Variants in CFAP65 observed in about 807,000 individuals in gnomAD.
CFAP65 encodes the protein cilia and flagella associated protein 65, also known as cilia- and flagella-associated protein 65.
A neutral mutation model predicts 208.0 loss-of-function variants in CFAP65; 155 were observed. The observed-to-expected ratio is 0.75, with a 90% CI of 0.65 to 0.85. The LOEUF (loss-of-function observed/expected upper bound fraction) is 0.85, where lower values mean the gene tolerates loss of function less well. Ranked by LOEUF, CFAP65 falls within the 40% of genes least tolerant of loss-of-function variation. The pLI is 0.00. For synonymous variants in CFAP65, 970 were observed against 986.3 expected (o/e 0.98, Z 0.31); for missense variants, 2,294 against 2,451.3 (o/e 0.94, Z 1.36).
In CFAP65 at chr2:219,019,598, C is replaced by G. The variant is rs114688732; in HGVS notation, c.3381G>C (p.Leu1127=). 6.8e-4 allele frequency: 1,096 copies of G among 1,613,850 alleles called. 2 individuals are homozygous for G. In the African/African-American group the frequency reaches 0.011, roughly 16 times the overall value. Reference sequence around the variant, plus strand: ...GCAGGTCCAGAGAGAAGAGGCGCCACAGGTGCTTCCGGGTGATACCCTCAG... The same window carrying G: ...GCAGGTCCAGAGAGAAGAGGCGCCAGAGGTGCTTCCGGGTGATACCCTCAG... ...GSAEGITRKH[L]WRLFSLDLLN... Residue 1127 remains leucine, a synonymous_variant, in exon 20 of 35, where the codon CTG becomes CTC. Coordinates refer to ENST00000341552, the MANE Select transcript of CFAP65 (RefSeq NM_194302.4).
At chr2:219,014,066 A>G in intron 21 of CFAP65, 22 bp from the exon 22 acceptor site, 2 of 1,581,520 alleles carry the variant, frequency 1.3e-6, no homozygotes, top group Non-Finnish European at 1.7e-6. Flanking sequence ...GTGCAAAGCC[A>G]TACAAAGAAA....
At chr2:219,009,905 G>A in intron 27 of CFAP65, 37 bp downstream of exon 27, 1 of 1,579,530 alleles carries the variant, frequency 6.3e-7, no homozygotes, top group Non-Finnish European at 8.6e-7. Flanking sequence ...TGGGTCTGGA[G>A]CTCTGATGGA....
rs553038524 is a variant in CFAP65, at chr2:219,027,437, G to A, written c.2211+213C>T. 2.1e-4 allele frequency: 320 copies of A among 1,521,310 alleles called. 1 individual carries two copies. The highest frequency in any genetic ancestry group is 7.0e-4 in the Middle Eastern group (4 of 5,726). 94.2% of individuals were successfully genotyped at this position (1,521,310 alleles called of 1,614,324 possible). ...GAGTTCTCCCTTGGAGGGGAGGGGA[G>A]ACTTACATAAGAATGAGAAAATCAG... On this transcript the variant is annotated intron_variant, in intron 13 of 34. Coordinates refer to ENST00000341552, the MANE Select transcript of CFAP65 (RefSeq NM_194302.4).
At position 219,011,005 on chromosome 2, in the gene CFAP65, G is replaced by A. The variant is rs764413475; in HGVS notation, c.3958-9C>T. On this transcript the variant is annotated splice_polypyrimidine_tract_variant and intron_variant, in intron 24 of 34. Coordinates refer to ENST00000341552, the MANE Select transcript of CFAP65 (RefSeq NM_194302.4). ...TTATACAGCTCATAAATCTGCAGGG[G>A]GCAGGAATAGGAAAATTGCCACATC... is the stretch of plus-strand genomic sequence containing the variant. 5 of 1,589,930 alleles carry A rather than the reference G, an allele frequency of 3.1e-6. No homozygotes were observed. Among genetic ancestry groups the A allele is most frequent in the Non-Finnish European group, 4.3e-6 (5 of 1,162,274 alleles).
chr2:219,022,108 C>A, intron 17 of CFAP65, 63 bp downstream of exon 17: 2 of 1,514,486 alleles, frequency 1.3e-6, no homozygotes, highest in Non-Finnish European at 1.8e-6. Context: ...TTCCCTGGGG[C>A]CTTCCCTCCC....
intron 29 of CFAP65, 80 bp downstream of exon 29, chr2:219,008,967 C>T: frequency 8.1e-7 from 1 of 1,235,674 alleles, no homozygotes; most frequent in South Asian, 1.3e-5. Context: ...GGAGGGCCAC[C>T]TTGGCCCACT....
At chr2:219,006,534 T>C in intron 29 of CFAP65, 25 bp from the exon 30 acceptor site, 1 of 1,612,876 alleles carries the variant, frequency 6.2e-7, no homozygotes, top group Non-Finnish European at 8.5e-7. Flanking sequence ...AGATCCTTGC[T>C]TAAGATACAA....
chr2:219,037,510 TG>T, intron 4 of CFAP65, among the ~76,000 whole-genome samples: 1 of 152,182 alleles, frequency 6.6e-6, no homozygotes, highest in East Asian at 1.9e-4. Flanking sequence ...AGGTTAGAAG[TG>T]GTGGGGTCAA....
At chr2:219,012,712 GT>G (rs1360580699) in intron 24 of CFAP65, among the ~76,000 whole-genome samples, 1 of 152,242 alleles carries the variant, frequency 6.6e-6, no homozygotes, top group Non-Finnish European at 1.5e-5. Flanking sequence ...TCACATTCTA[GT>G]TCTTCACATT....
rs765769394 is a variant in CFAP65 at position 219,021,777 on chromosome 2, T to C, written c.3130+3A>G. The C allele has an allele frequency of 9.3e-6, 15 of 1,613,158 alleles. No homozygotes were observed. The highest frequency in any genetic ancestry group is 1.3e-5 in the Non-Finnish European group (15 of 1,179,876). On this transcript the variant is annotated splice_donor_region_variant and intron_variant, in intron 18 of 34. Coordinates refer to ENST00000341552, the MANE Select transcript of CFAP65 (RefSeq NM_194302.4). ...GCCCCAGTCCCAGCTCAGGCCCAAG[T>C]ACCGAGGGGGTGGTTGTCAACGGCC...
rs928402805 is a variant in CFAP65 at position 219,030,563 on chromosome 2, A to C, written c.1161+126T>G. ...AAGGACACACCTGTTGACAGCTGAC[A>C]TGGGTTACATGAGGCTTGGGGCCAA... is the stretch of plus-strand genomic sequence containing the variant. On this transcript the variant is annotated intron_variant, in intron 9 of 34. Coordinates refer to ENST00000341552, the MANE Select transcript of CFAP65 (RefSeq NM_194302.4). 4 of 1,281,926 alleles carry C rather than the reference A, an allele frequency of 3.1e-6. No homozygotes were observed. In the African/African-American group the frequency reaches 5.9e-5, roughly 19 times the overall value. 79.4% of individuals were successfully genotyped at this position (1,281,926 alleles called of 1,614,324 possible).
Position 219,032,526 on chromosome 2 carries a change from AGATGG to A in CFAP65, c.584_588del (p.Pro195LeufsTer29). The A allele has an allele frequency of 6.2e-7, 1 of 1,607,434 alleles. No homozygotes were observed. The highest frequency in any genetic ancestry group is 1.1e-5 in the South Asian group (1 of 89,238). On this transcript the variant is annotated frameshift_variant, in exon 6 of 35. Coordinates refer to ENST00000341552, the MANE Select transcript of CFAP65 (RefSeq NM_194302.4). LOFTEE classifies it high-confidence loss of function. This position sits in a 1 kb window ranked among gnomAD's most constrained non-coding sequence, Gnocchi z 5.5. ...GTGAGGGTTATGCCTGGGCTCAGGA[AGATGG>A]GCTGAGGGATGACCGTGAAGAAGAA...
rs147961888 is a variant in CFAP65, at chr2:219,031,174, T to G, written c.947A>C (p.Glu316Ala). 8.9e-4 allele frequency: 1,442 copies of G among 1,611,390 alleles called. 1 individual carries two copies. The highest frequency in any genetic ancestry group is 1.1e-3 in the Non-Finnish European group (1,340 of 1,179,046). ...CCCGTACCAGCACGTGGCCTGCACC[T>G]CGTAGATGACGGCTGTAAGGGGCTG... ...TFQPLTAVIY[E>A]VQATCWYGAG... is the part of the protein sequence containing the mutation. The change falls in exon 8 of 35, where the codon GAG becomes GCG. Residue 316 changes from glutamate (E) to alanine (A), a missense_variant. Physicochemically the swap from Glu to Ala is moderately radical, Grantham distance 107 (BLOSUM62 -1). Transcript: ENST00000341552. This position sits in a 1 kb window ranked among gnomAD's most constrained non-coding sequence, Gnocchi z 5.2.
chr2:219,035,807 C>T lies in CFAP65; in HGVS notation c.358-143G>A, dbSNP rs968350382. 19 of 1,428,176 alleles carry T rather than the reference C, an allele frequency of 1.3e-5. No individual in the cohort carries two copies. In the African/African-American group the frequency reaches 2.0e-4, roughly 15 times the overall value. 88.5% of individuals were successfully genotyped at this position (1,428,176 alleles called of 1,614,324 possible). A position where few individuals can be genotyped will look rare whatever the true frequency, so the allele number is the denominator to read the frequency against. On this transcript the variant is annotated intron_variant, in intron 4 of 34. Coordinates refer to ENST00000341552, the MANE Select transcript of CFAP65 (RefSeq NM_194302.4). ...GAAGAAAAACGATGATTGACACCAC[C>T]CCTCACCCCTTGGGGATGGTCTGGA... is the stretch of plus-strand genomic sequence containing the variant.
rs752301497 is a variant in CFAP65 at position 219,019,715 on chromosome 2, G to A, written c.3264C>T (p.Asn1088=). 2 of 1,612,616 alleles carry A rather than the reference G, an allele frequency of 1.2e-6. No homozygotes were observed. Among genetic ancestry groups the A allele is most frequent in the African/African-American group, 2.7e-5 (2 of 74,906 alleles). Residue 1088 remains asparagine, a synonymous_variant, in exon 20 of 35, where the codon AAC becomes AAT. Transcript: ENST00000341552. Reference sequence around the variant, plus strand: ...ACAGCTCCTGCTTCTCCCCAGCCTTGTTATCTGGGGAGGGGGGTGAGGAAG... The same window carrying A: ...ACAGCTCCTGCTTCTCCCCAGCCTTATTATCTGGGGAGGGGGGTGAGGAAG... ...ITYSLLSHRD[N]KAGEKQELCC... is the part of the protein sequence containing the mutation.
Position 219,009,416 on chromosome 2 carries a change from C to A in CFAP65, c.4497G>T (p.Thr1499=), listed in dbSNP as rs143779740. ...CCCTCAAGGTCACCACAAATGGGAC[C>A]GTCTCTTCAGGAGCCACCACCCCTA... ...PMIGVVAPEE[T]VPFVVTLRAS... is the part of the protein sequence containing the mutation. The change falls in exon 28 of 35, where the codon ACG becomes ACT. Residue 1499 remains threonine, a synonymous_variant. Coordinates refer to ENST00000341552, the MANE Select transcript of CFAP65 (RefSeq NM_194302.4). 1 of 1,612,668 alleles carries A rather than the reference C, an allele frequency of 6.2e-7. No homozygotes were observed.
chr2:219,019,669 C>A lies in CFAP65; in HGVS notation c.3310G>T (p.Val1104Leu). ...QELCCVSLVA[V>L]YPLLSILDVS... The stretch of plus-strand genomic sequence containing the variant: ...TCCAGGATGGAAAGCAAGGGGTACA[C>A]GGCCACCAGGGAGACGCAGCACAGC... The change falls in exon 20 of 35, where the codon GTG becomes TTG. Residue 1104 changes from valine (V) to leucine (L), a missense_variant. Transcript: ENST00000341552. The A allele has an allele frequency of 1.9e-6, 3 of 1,613,686 alleles. No homozygotes were observed. The highest frequency in any genetic ancestry group is 2.5e-6 in the Non-Finnish European group (3 of 1,180,030).
chr2:219,039,188 G>T (rs1372071328), intron 2 of CFAP65, 138 bp from the exon 3 acceptor site: 4 of 686,110 alleles, frequency 5.8e-6, no homozygotes, highest in Non-Finnish European at 6.9e-6. Flanking sequence ...TATGCCAGAT[G>T]CTATGTATGC....
chr2:219,031,344 C>T lies in CFAP65; in HGVS notation c.816-39G>A, dbSNP rs376239026. 3.1e-6 allele frequency: 5 copies of T among 1,607,688 alleles called. No homozygotes were observed. Among genetic ancestry groups the T allele is most frequent in the African/African-American group, 1.3e-5 (1 of 74,882 alleles). On this transcript the variant is annotated intron_variant, in intron 7 of 34. Transcript: ENST00000341552. This position sits in a 1 kb window ranked among gnomAD's most constrained non-coding sequence, Gnocchi z 5.2. ...GCAGGTCAGGGCACTGGGCTCCCGGCCCCTGCTCCTGCAGTAGCAAGTCAG... is the reference window on the plus strand; with the variant it reads ...GCAGGTCAGGGCACTGGGCTCCCGGTCCCTGCTCCTGCAGTAGCAAGTCAG...
Sources: gnomAD v4.1 joint callset for allele counts (sites outside exome capture counted in the v4.1 genomes callset) on GRCh38, gnomAD v4.1.1 for gene constraint, Gnocchi (gnomAD v3.1) non-coding constraint, MANE v1.5 for transcripts, NCBI Gene and HGNC (gene_info 2026-07-23, HGNC 2026-07-21) for gene names.